Variants in MKLN1 observed in about 807,000 individuals in gnomAD.
The protein encoded by MKLN1 is muskelin 1.
In MKLN1, 18 loss-of-function variants were observed where a neutral mutation model predicts 99.0. The observed-to-expected ratio is 0.18, with a 90% CI of 0.13 to 0.27. MKLN1 has a LOEUF of 0.27. Among genes scored for constraint, MKLN1 ranks in the 10% least tolerant of loss-of-function variants. MKLN1 has a pLI of 1.00. For missense variants in MKLN1, 621 were observed against 875.9 expected (o/e 0.71, Z 3.67); for synonymous variants, 288 against 293.2 (o/e 0.98, Z 0.18).
chr7:131,184,154 C>T (rs545910962), intron 2 of MKLN1, among the ~76,000 whole-genome samples: 4 of 152,026 alleles, frequency 2.6e-5, no homozygotes, highest in South Asian at 2.1e-4. Flanking sequence ...TTTTTAGAGA[C>T]AGGGTCTCAC....
chr7:131,433,652 AT>A (rs1445470766), intron 9 of MKLN1, among the ~76,000 whole-genome samples: 1 of 152,170 alleles, frequency 6.6e-6, no homozygotes, highest in Non-Finnish European at 1.5e-5. Context: ...TCAATTGATC[AT>A]GTAAGTATAT....
At chr7:131,403,087 A>T (rs1482578394) in intron 6 of MKLN1, among the ~76,000 whole-genome samples, 2 of 152,286 alleles carry the variant, frequency 1.3e-5, no homozygotes, top group African/African-American at 4.8e-5. Context: ...ATAGAAGTCT[A>T]TTGGAATGTT....
chr7:131,324,116 C>T (rs1798837491), upstream of MKLN1: 1 of 152,220 alleles, frequency 6.6e-6, no homozygotes, highest in African/African-American at 2.4e-5. Flanking sequence ...TGACCTGCAC[C>T]TCTGCTGTAA....
intron 17 of MKLN1, among the ~76,000 whole-genome samples, chr7:131,479,998 G>A (rs780120646): frequency 4.6e-4 from 68 of 147,396 alleles, no homozygotes; most frequent in Non-Finnish European, 7.3e-4. Flanking sequence ...TCCAGCCTGG[G>A]CGACAGAGGA....
chr7:131,291,567 C>T (rs994750192), intron 3 of MKLN1, among the ~76,000 whole-genome samples: 3 of 110,980 alleles, frequency 2.7e-5, no homozygotes, highest in Non-Finnish European at 5.4e-5. Flanking sequence ...ACACAGAATA[C>T]AGCTTTCATT....
chr7:131,335,101 T>G (rs950813815), intron 1 of MKLN1, among the ~76,000 whole-genome samples: 3 of 152,184 alleles, frequency 2.0e-5, no homozygotes, highest in African/African-American at 7.2e-5. Flanking sequence ...CTCTGAGAAG[T>G]CCAGCAGTAT....
rs1022059792 is a variant in MKLN1 at position 131,495,509 on chromosome 7, A to G, written c.*7781A>G. ...AAATTACTAAGTATAAAGAAGAAAA[A>G]CCAGTATTAATTAAGTGATGAGACC... On this transcript the variant is annotated 3_prime_UTR_variant, in exon 18 of 18. Transcript: ENST00000352689. The G allele has an allele frequency of 6.6e-6, 1 of 152,062 alleles. No individual in the cohort carries two copies. Among genetic ancestry groups the G allele is most frequent in the African/African-American group, 2.4e-5 (1 of 41,420 alleles). 9.4% of individuals were successfully genotyped at this position (152,062 alleles called of 1,614,324 possible). A position where few individuals can be genotyped will look rare whatever the true frequency, so the allele number is the denominator to read the frequency against.
intron 2 of MKLN1, among the ~76,000 whole-genome samples, chr7:131,381,189 T>C (rs1380779225): frequency 6.6e-6 from 1 of 152,230 alleles, no homozygotes; most frequent in Non-Finnish European, 1.5e-5. Flanking sequence ...AAGAAGCTTA[T>C]AATTGCAGTA....
Position 131,307,341 on chromosome 7 carries a change from G to A in MKLN1, c.-178-68083G>A, listed in dbSNP as rs573706770. Among the ~76,000 whole-genome samples the A allele has an allele frequency of 2.6e-5, 4 of 152,264 alleles. No homozygotes were observed. In the South Asian group the frequency reaches 6.2e-4, roughly 24 times the overall value. On this transcript the variant is annotated intron_variant, in intron 3 of 7. Transcript: ENST00000416992. Reference sequence around the variant, plus strand: ...AGTGCAGAGGGGAAATGTGGAATGCGAGCTCCCACATGGAGTCCCCACTGG... The same window carrying A: ...AGTGCAGAGGGGAAATGTGGAATGCAAGCTCCCACATGGAGTCCCCACTGG...
chr7:131,354,517 G>C lies in MKLN1; in HGVS notation c.99-20907G>C, dbSNP rs553837841. 6.6e-5 allele frequency among the ~76,000 whole-genome samples: 10 copies of C among 150,590 alleles called. No homozygotes were observed. In the South Asian group the frequency reaches 1.7e-3, roughly 25 times the overall value. On this transcript the variant is annotated intron_variant, in intron 1 of 17. Transcript: ENST00000352689. ...TTAGTCCTAGGATTTTTTTTTGTGGGGGGGGGCGTAAATCTTGTGGGATTT... is the reference window on the plus strand; with the variant it reads ...TTAGTCCTAGGATTTTTTTTTGTGGCGGGGGGCGTAAATCTTGTGGGATTT...
chr7:131,135,332 A>G (rs1795632729), intron 1 of MKLN1, among the ~76,000 whole-genome samples: 1 of 152,166 alleles, frequency 6.6e-6, no homozygotes, highest in African/African-American at 2.4e-5. Context: ...CATGCTGGCC[A>G]GGCTGGTCTC....
intron 1 of MKLN1, among the ~76,000 whole-genome samples, chr7:131,121,635 T>C (rs1308914184): frequency 5.0e-4 from 5 of 9,980 alleles, no homozygotes; most frequent in African/African-American, 1.4e-3. Flanking sequence ...CAAGACTCCG[T>C]CTCAAAAAAA....
At chr7:131,175,148 G>A (rs905664739) in intron 2 of MKLN1, among the ~76,000 whole-genome samples, 9 of 131,960 alleles carry the variant, frequency 6.8e-5, no homozygotes, top group African/African-American at 2.7e-4. Flanking sequence ...ATGGATGGGT[G>A]GATGGATAGA....
intron 1 of MKLN1, among the ~76,000 whole-genome samples, chr7:131,130,042 T>C (rs1316265814): frequency 6.6e-6 from 1 of 152,208 alleles, no homozygotes; most frequent in East Asian, 1.9e-4. Flanking sequence ...TCTTATAGTC[T>C]GGATAAAGAA....
intron 2 of MKLN1, among the ~76,000 whole-genome samples, chr7:131,172,252 T>C (rs1184326467): frequency 6.6e-6 from 1 of 151,814 alleles, no homozygotes; most frequent in East Asian, 1.9e-4. Context: ...GCCAGTCTCC[T>C]ATCTCAGCCT....
intron 3 of MKLN1, among the ~76,000 whole-genome samples, chr7:131,315,902 G>A (rs1798659972): frequency 6.6e-6 from 1 of 152,186 alleles, no homozygotes; most frequent in East Asian, 1.9e-4. Flanking sequence ...CCAGTCAGGG[G>A]CTTACAGATA....
chr7:131,296,335 C>T (rs1798291128), intron 3 of MKLN1, among the ~76,000 whole-genome samples: 1 of 152,074 alleles, frequency 6.6e-6, no homozygotes, highest in Non-Finnish European at 1.5e-5. Flanking sequence ...AATATTTCTG[C>T]TATATTACTA....
chr7:131,340,275 CTTTTTTTTT>C (rs398006316), intron 1 of MKLN1, among the ~76,000 whole-genome samples: 3 of 85,046 alleles, frequency 3.5e-5, no homozygotes, highest in East Asian at 8.2e-4. Flanking sequence ...GTAATTACGG[CTTTTTTTTT>C]TTTTTTTTTT....
At chr7:131,376,140 G>GTATGTATGTATGTATGTATGT (rs71174943) in intron 2 of MKLN1, among the ~76,000 whole-genome samples, 3 of 124,198 alleles carry the variant, frequency 2.4e-5, no homozygotes, top group South Asian at 2.6e-4. Flanking sequence ...ATATATGTAT[G>GTATGTATGTATGTATGTATGT]ATGTATGTAT....
Sources: allele counts gnomAD v4.1 joint callset (sites outside exome capture counted in the v4.1 genomes callset), GRCh38; gene constraint gnomAD v4.1.1; transcripts MANE v1.5; gene names NCBI Gene and HGNC (gene_info 2026-07-23, HGNC 2026-07-21).